ITPR1: variants seen among roughly 807,000 people sequenced by gnomAD.
The protein encoded by ITPR1 is inositol 1,4,5-trisphosphate receptor type 1.
In ITPR1, 96 loss-of-function variants were observed where a neutral mutation model predicts 318.4. The ratio of observed to expected loss-of-function variants is 0.30; its 90% CI spans 0.26 to 0.36. The LOEUF is 0.36. Among genes scored for constraint, ITPR1 ranks in the 10% least tolerant of loss-of-function variants. The probability of loss-of-function intolerance (pLI) is 1.00; values close to 1 mark genes in which losing one functional copy is unlikely to be tolerated. For missense variants in ITPR1, 2,440 were observed against 3,460.2 expected, an observed-to-expected ratio of 0.71 and a Z score of 7.40; for synonymous variants, 1,312 against 1,289.9, an observed-to-expected ratio of 1.02 and a Z score of -0.37.
At chr3:4,577,966 CAG>C (rs1432873799) in intron 4 of ITPR1, among the ~76,000 whole-genome samples, 1 of 152,308 alleles carries the variant, frequency 6.6e-6, no homozygotes, top group East Asian at 1.9e-4. Context: ...TAGGCTGGCA[CAG>C]AAAATCTTGA....
chr3:4,547,668 T>A (rs2085155556), intron 4 of ITPR1, among the ~76,000 whole-genome samples: 1 of 152,330 alleles, frequency 6.6e-6, no homozygotes, highest in African/African-American at 2.4e-5. Flanking sequence ...AGAAAGGTGA[T>A]CTGTTAGGAG....
At chr3:4,788,586 A>G (rs1342498769) in intron 52 of ITPR1, among the ~76,000 whole-genome samples, 1 of 152,170 alleles carries the variant, frequency 6.6e-6, no homozygotes, top group Non-Finnish European at 1.5e-5. Context: ...TTTAGACTAA[A>G]TCGTTTTACA....
chr3:4,640,761 C>T (rs754125106), intron 6 of ITPR1, among the ~76,000 whole-genome samples: 1 of 152,152 alleles, frequency 6.6e-6, no homozygotes, highest in Non-Finnish European at 1.5e-5. Context: ...GGTGCCTGTC[C>T]CAGAATAAGC....
At chr3:4,612,163 G>A (rs1486358041) in intron 4 of ITPR1, among the ~76,000 whole-genome samples, 3 of 137,282 alleles carry the variant, frequency 2.2e-5, no homozygotes, top group Admixed American at 1.7e-4. Flanking sequence ...TTGTGTTCAA[G>A]CAATTCTCCT....
intron 5 of ITPR1, among the ~76,000 whole-genome samples, chr3:4,628,295 A>G (rs1053053102): frequency 1.3e-5 from 2 of 152,222 alleles, no homozygotes; most frequent in African/African-American, 4.8e-5. Context: ...TGAGGATTAC[A>G]GAAAATGAGA....
At chr3:4,646,533 G>A (rs548077879) in intron 10 of ITPR1, among the ~76,000 whole-genome samples, 17 of 152,338 alleles carry the variant, frequency 1.1e-4, no homozygotes, top group African/African-American at 3.6e-4. Context: ...ACCAGAGGCT[G>A]AAGGGCCATA....
chr3:4,580,443 T>A (rs1456047301), intron 4 of ITPR1, among the ~76,000 whole-genome samples: 2 of 152,086 alleles, frequency 1.3e-5, no homozygotes, highest in East Asian at 3.9e-4. Flanking sequence ...ACCCCACAGA[T>A]CCCCCACCTT....
chr3:4,638,502 C>A (rs775830855), intron 5 of ITPR1, among the ~76,000 whole-genome samples: 8 of 152,172 alleles, frequency 5.3e-5, no homozygotes, highest in Non-Finnish European at 1.5e-5. Context: ...ATGTTCCCCC[C>A]CTAGCATGTC....
chr3:4,513,029 G>T (rs1215138544), intron 2 of ITPR1, among the ~76,000 whole-genome samples: 3 of 152,168 alleles, frequency 2.0e-5, no homozygotes, highest in Non-Finnish European at 4.4e-5. Context: ...TGTTTTCTCT[G>T]AGGTGGTCCT....
chr3:4,836,810 A>G lies in ITPR1; in HGVS notation c.8065A>G (p.Met2689Val), dbSNP rs995236859. Residue 2689 changes from methionine to valine, a missense_variant, in exon 61 of 62, where the codon ATG becomes GTG. Physicochemically the swap from Met to Val is conservative, Grantham distance 21. Coordinates refer to ENST00000649015, the MANE Select transcript of ITPR1 (RefSeq NM_001378452.1). ...NLDWFPRMRA[M>V]SLVSSDSEGE... ...TGACTGGTTCCCCAGGATGAGAGCC[A>G]TGTCATTGGTCAGCAGTGATTCTGA... The G allele has an allele frequency of 2.0e-6, 3 of 1,479,218 alleles. No homozygotes were observed. Among genetic ancestry groups the G allele is most frequent in the South Asian group, 1.4e-5 (1 of 69,706 alleles). The allele number at this position is 1,479,218 out of a possible 1,614,324, so 91.6% of individuals were successfully genotyped here. A position where few individuals can be genotyped will look rare whatever the true frequency, so the allele number is the denominator to read the frequency against.
intron 60 of ITPR1, among the ~76,000 whole-genome samples, chr3:4,829,643 G>A (rs1056280221): frequency 1.2e-4 from 19 of 152,038 alleles, no homozygotes; most frequent in East Asian, 3.8e-4. Context: ...TGTTAGTAAC[G>A]TTTTGTATTA....
Position 4,688,544 on chromosome 3 carries a change from T to G in ITPR1, c.3752T>G (p.Leu1251Trp). ...QEIMRLAHEF[L>W]QNFCAGNQQN... The stretch of plus-strand genomic sequence containing the variant: ...ATAATGAGGTTGGCTCATGAATTTT[T>G]GCAGAATTTCTGCGCAGGCAACCAG... The change falls in exon 31 of 62, where the codon TTG (leucine) becomes TGG (tryptophan). Residue 1251 changes from leucine to tryptophan, a missense_variant. By Grantham distance (61) the Leu-to-Trp change is moderately conservative (BLOSUM62 -2). Coordinates refer to ENST00000649015, the MANE Select transcript of ITPR1 (RefSeq NM_001378452.1). The G allele has an allele frequency of 6.2e-7, 1 of 1,614,054 alleles. No individual in the cohort carries two copies. Among genetic ancestry groups the G allele is most frequent in the Non-Finnish European group, 8.5e-7 (1 of 1,179,880 alleles).
chr3:4,552,168 C>G (rs1381485408), intron 4 of ITPR1, among the ~76,000 whole-genome samples: 1 of 152,188 alleles, frequency 6.6e-6, no homozygotes, highest in Non-Finnish European at 1.5e-5. Flanking sequence ...CTGTGACAAA[C>G]GGGGTGGGGG....
chr3:4,641,533 C>T (rs566037691), intron 6 of ITPR1, among the ~76,000 whole-genome samples: 1 of 152,286 alleles, frequency 6.6e-6, no homozygotes, highest in Non-Finnish European at 1.5e-5. Context: ...TGTACCCCCA[C>T]ACTTGGTTAA....
intron 44 of ITPR1, among the ~76,000 whole-genome samples, chr3:4,761,806 C>A (rs1022602173): frequency 2.0e-5 from 3 of 152,192 alleles, no homozygotes; most frequent in African/African-American, 7.2e-5. Flanking sequence ...CTCCCACCAG[C>A]CATAGGGAGA....
At chr3:4,780,834 G>A (rs1346986830) in intron 49 of ITPR1, among the ~76,000 whole-genome samples, 9 of 152,120 alleles carry the variant, frequency 5.9e-5, no homozygotes, top group Non-Finnish European at 8.8e-5. Flanking sequence ...GACCCCATTC[G>A]GCTTCCCAGG....
chr3:4,561,492 A>G (rs1283616316), intron 4 of ITPR1, among the ~76,000 whole-genome samples: 1 of 152,226 alleles, frequency 6.6e-6, no homozygotes, highest in East Asian at 1.9e-4. Flanking sequence ...ATAATTTTAT[A>G]GAATATGTGT....
At chr3:4,561,683 T>C (rs1043064101) in intron 4 of ITPR1, among the ~76,000 whole-genome samples, 7 of 152,200 alleles carry the variant, frequency 4.6e-5, no homozygotes, top group African/African-American at 1.7e-4. Flanking sequence ...ACTTCTTTAT[T>C]ATTTTTTTTA....
intron 31 of ITPR1, among the ~76,000 whole-genome samples, chr3:4,690,677 T>A (rs1277844572): frequency 1.3e-5 from 2 of 152,118 alleles, no homozygotes; most frequent in African/African-American, 4.8e-5. Flanking sequence ...GGAATGTTAC[T>A]ATCTATTAAA....
Sources: gnomAD v4.1 joint callset for allele counts (sites outside exome capture counted in the v4.1 genomes callset) on GRCh38, gnomAD v4.1.1 for gene constraint, MANE v1.5 for transcripts, NCBI Gene and HGNC (gene_info 2026-07-23, HGNC 2026-07-21) for gene names.